OSBPL10: variants seen among roughly 807,000 people sequenced by gnomAD.
The protein encoded by OSBPL10 is oxysterol-binding protein-related protein 10.
A neutral mutation model predicts 81.7 loss-of-function variants in OSBPL10; 49 were observed. The ratio of observed to expected loss-of-function variants is 0.60; its 90% CI spans 0.48 to 0.76. The LOEUF (loss-of-function observed/expected upper bound fraction) is 0.76, where lower values mean the gene tolerates loss of function less well. Among genes scored for constraint, OSBPL10 ranks in the 30% least tolerant of loss-of-function variants. The pLI, the probability that OSBPL10 is intolerant of heterozygous loss-of-function variation, is 0.00. For missense variants in OSBPL10, 923 were observed against 987.8 expected (o/e 0.93, Z 0.88); for synonymous variants, 419 against 383.6 (o/e 1.09, Z -1.08).
intron 2 of OSBPL10, among the ~76,000 whole-genome samples, chr3:32,040,653 T>C (rs1485707551): frequency 6.6e-6 from 1 of 150,632 alleles, no homozygotes; most frequent in African/African-American, 2.5e-5. Context: ...CTGGGAAGCA[T>C]AGAGAGACCC....
At chr3:31,700,839 T>C (rs1695871553) in intron 7 of OSBPL10, among the ~76,000 whole-genome samples, 1 of 152,168 alleles carries the variant, frequency 6.6e-6, no homozygotes, top group African/African-American at 2.4e-5. Context: ...CAATAAGCAT[T>C]ATCCAGCTAG....
chr3:31,993,370 G>A (rs542104287), intron 2 of OSBPL10, among the ~76,000 whole-genome samples: 6 of 151,706 alleles, frequency 4.0e-5, no homozygotes, highest in East Asian at 3.9e-4. Context: ...CACCATGCCC[G>A]GCTAATTTTG....
intron 2 of OSBPL10, among the ~76,000 whole-genome samples, chr3:32,045,079 T>C (rs1699610069): frequency 6.6e-6 from 1 of 152,222 alleles, no homozygotes; most frequent in Non-Finnish European, 1.5e-5. Flanking sequence ...TTTTTGTTGT[T>C]GGAAGTTTTC....
intron 4 of OSBPL10, among the ~76,000 whole-genome samples, chr3:31,783,146 T>TATATACACACACACACACACAC (rs1485968747): frequency 8.8e-6 from 1 of 113,034 alleles, no homozygotes; most frequent in Non-Finnish European, 1.8e-5. Flanking sequence ...TATATATATA[T>TATATACACACACACACACACAC]ACACACACAC....
chr3:31,780,585 G>C (rs1216892323), intron 4 of OSBPL10, among the ~76,000 whole-genome samples: 1 of 151,610 alleles, frequency 6.6e-6, no homozygotes, highest in Non-Finnish European at 1.5e-5. Flanking sequence ...GAAAATAAGA[G>C]AGAAGAGCTA....
intron 2 of OSBPL10, among the ~76,000 whole-genome samples, chr3:31,878,814 C>CGTGTGT (rs1559502481): frequency 1.2e-3 from 121 of 104,824 alleles, no homozygotes; most frequent in Middle Eastern, 5.2e-3. Flanking sequence ...TCTGCGTGTC[C>CGTGTGT]ATGTGTGTGT....
chr3:31,799,614 C>T (rs1699327197), intron 4 of OSBPL10, among the ~76,000 whole-genome samples: 1 of 152,060 alleles, frequency 6.6e-6, no homozygotes, highest in Non-Finnish European at 1.5e-5. Flanking sequence ...ACATTATAAG[C>T]ACTCAAGAAA....
At chr3:31,770,033 G>T (rs1434626441) in intron 4 of OSBPL10, among the ~76,000 whole-genome samples, 3 of 152,124 alleles carry the variant, frequency 2.0e-5, no homozygotes, top group Non-Finnish European at 4.4e-5. Context: ...CCTAAGGAAA[G>T]AGTCCTTGAC....
rs1696681946 is a variant in OSBPL10, at chr3:31,722,636, G to C, written c.1095+10621C>G. 3.9e-5 allele frequency among the ~76,000 whole-genome samples: 6 copies of C among 152,038 alleles called. No individual in the cohort carries two copies. In the South Asian group the frequency reaches 1.2e-3, roughly 32 times the overall value. On this transcript the variant is annotated intron_variant, in intron 6 of 11. Transcript: ENST00000396556. ...AGAAAAGTTCACATCCTTCAAAGGA[G>C]TAGTTTTCTCCTTGAATTACATTAT...
chr3:31,686,284 A>G (rs1016587671), intron 7 of OSBPL10, among the ~76,000 whole-genome samples: 8 of 152,260 alleles, frequency 5.3e-5, no homozygotes, highest in Non-Finnish European at 1.0e-4. Flanking sequence ...GGACTAATAC[A>G]GATGTCCAGA....
intron 1 of OSBPL10, among the ~76,000 whole-genome samples, chr3:31,885,353 TCA>T (rs982286324): frequency 6.7e-6 from 1 of 148,884 alleles, no homozygotes; most frequent in Non-Finnish European, 1.5e-5. Context: ...TGTGACACAC[TCA>T]CACATTCATA....
intron 1 of OSBPL10, among the ~76,000 whole-genome samples, chr3:31,937,208 T>C (rs1419035174): frequency 6.7e-6 from 1 of 149,238 alleles, no homozygotes; most frequent in Non-Finnish European, 1.5e-5. Flanking sequence ...CACTTGAACC[T>C]GGGAGGCAGA....
intron 1 of OSBPL10, among the ~76,000 whole-genome samples, chr3:32,050,142 C>T (rs1392852228): frequency 3.3e-5 from 5 of 152,194 alleles, no homozygotes; most frequent in Non-Finnish European, 5.9e-5. Context: ...AGTACTTTCT[C>T]TTGATCTTCG....
At chr3:31,694,248 G>T (rs992348180) in intron 7 of OSBPL10, among the ~76,000 whole-genome samples, 1 of 151,742 alleles carries the variant, frequency 6.6e-6, no homozygotes, top group African/African-American at 2.4e-5. Flanking sequence ...GTGAGCACCT[G>T]TAATCCCAGT....
At chr3:31,797,689 AGTTT>A (rs1422884369) in intron 4 of OSBPL10, 4 of 404,678 alleles carry the variant, frequency 9.9e-6, no homozygotes, top group Non-Finnish European at 2.0e-5. Flanking sequence ...ATACACACAC[AGTTT>A]TTTTATATGT....
intron 3 of OSBPL10, among the ~76,000 whole-genome samples, chr3:31,847,741 T>C (rs1440284919): frequency 6.6e-6 from 1 of 151,980 alleles, no homozygotes; most frequent in Non-Finnish European, 1.5e-5. Flanking sequence ...GAAAATTGGT[T>C]GCACAGAGGA....
chr3:31,928,310 A>G (rs1449050891), intron 1 of OSBPL10, among the ~76,000 whole-genome samples: 1 of 152,198 alleles, frequency 6.6e-6, no homozygotes, highest in Non-Finnish European at 1.5e-5. Context: ...CTGGAAAAAA[A>G]CAATCCACTA....
chr3:32,014,811 A>C (rs529870214), intron 2 of OSBPL10, among the ~76,000 whole-genome samples: 2 of 152,224 alleles, frequency 1.3e-5, no homozygotes, highest in African/African-American at 4.8e-5. Context: ...ACAGACAAAC[A>C]GAGATCCAAA....
upstream of OSBPL10, among the ~76,000 whole-genome samples, chr3:31,985,174 G>C (rs900884040): frequency 6.6e-6 from 1 of 152,200 alleles, no homozygotes; most frequent in African/African-American, 2.4e-5. Flanking sequence ...AGAAGGCAGA[G>C]GTTGCAGTGA....
Sources: allele counts gnomAD v4.1 joint callset (sites outside exome capture counted in the v4.1 genomes callset), GRCh38; gene constraint gnomAD v4.1.1; transcripts MANE v1.5; gene names NCBI Gene and HGNC (gene_info 2026-07-23, HGNC 2026-07-21).